The following NBAS variants were observed in gnomAD, a reference collection of about 807,000 sequenced individuals.
NBAS encodes NAG/BC035112 fusion.
Under a neutral mutation model 302.5 loss-of-function variants are expected in NBAS, and 219 were observed. The ratio of observed to expected loss-of-function variants is 0.72; its 90% CI spans 0.65 to 0.81. The LOEUF (loss-of-function observed/expected upper bound fraction) is 0.81, where lower values mean the gene tolerates loss of function less well. Ranked by LOEUF, NBAS falls within the 30% of genes least tolerant of loss-of-function variation. The pLI, the probability that NBAS is intolerant of heterozygous loss-of-function variation, is 0.00. For synonymous variants in NBAS, 1,118 were observed against 1,021.6 expected, an observed-to-expected ratio of 1.09 and a Z score of -1.80; for missense variants, 2,932 against 2,841.6, an observed-to-expected ratio of 1.03 and a Z score of -0.72.
the NBAS span, among the ~76,000 whole-genome samples, chr2:14,782,986 C>A: frequency 6.6e-6 from 1 of 151,732 alleles, no homozygotes; most frequent in Non-Finnish European, 1.5e-5. Context: ...GGGAGAAGAT[C>A]AGAAAAAATT....
chr2:15,383,598 G>C (rs1376852462), intron 28 of NBAS, among the ~76,000 whole-genome samples: 1 of 152,188 alleles, frequency 6.6e-6, no homozygotes, highest in Non-Finnish European at 1.5e-5. Context: ...GAATTGAATG[G>C]TAATTACAGT....
At chr2:14,807,872 G>A in the NBAS span, among the ~76,000 whole-genome samples, 1 of 152,064 alleles carries the variant, frequency 6.6e-6, no homozygotes, top group Non-Finnish European at 1.5e-5. Context: ...GCACACAGTA[G>A]ATGTTGCAAA....
chr2:15,475,900 T>C lies in NBAS; in HGVS notation c.1148-20A>G. On this transcript the variant is annotated intron_variant, in intron 13 of 51. Coordinates refer to ENST00000281513, the MANE Select transcript of NBAS (RefSeq NM_015909.4). Reference sequence around the variant, plus strand: ...CTTTATCTAAGAAGCGAAAAACAAATCAATACAAATGCATCTGCTAATGTG... The same window carrying C: ...CTTTATCTAAGAAGCGAAAAACAAACCAATACAAATGCATCTGCTAATGTG... 5 of 1,575,694 alleles carry C rather than the reference T, an allele frequency of 3.2e-6. No individual in the cohort carries two copies. Among genetic ancestry groups the C allele is most frequent in the Non-Finnish European group, 4.4e-6 (5 of 1,146,416 alleles).
the NBAS span, among the ~76,000 whole-genome samples, chr2:14,779,676 C>A: frequency 6.6e-6 from 1 of 152,150 alleles, no homozygotes; most frequent in Non-Finnish European, 1.5e-5. Flanking sequence ...CCCTGCCACC[C>A]TTCTCAGCTT....
the NBAS span, among the ~76,000 whole-genome samples, chr2:14,804,997 T>C: frequency 2.0e-5 from 3 of 152,200 alleles, no homozygotes; most frequent in African/African-American, 7.2e-5. Context: ...GAAACACAAA[T>C]CCCTTCATAG....
At chr2:14,820,924 T>C in the NBAS span, among the ~76,000 whole-genome samples, 2 of 145,912 alleles carry the variant, frequency 1.4e-5, no homozygotes, top group Non-Finnish European at 3.1e-5. Context: ...CTTTTTTTTT[T>C]CTTTTCTTTT....
the NBAS span, among the ~76,000 whole-genome samples, chr2:14,986,602 A>G: frequency 3.3e-5 from 5 of 152,110 alleles, no homozygotes; most frequent in African/African-American, 1.2e-4. Flanking sequence ...ACCAATTTTC[A>G]TGCACACTTA....
In NBAS at chr2:15,219,116, T is replaced by C. The variant is rs1289729007; in HGVS notation, c.6237-148A>G. 3 of 774,664 alleles carry C rather than the reference T, an allele frequency of 3.9e-6. No individual in the cohort carries two copies. The African/African-American group carries it at 5.2e-5, about 14-fold the overall frequency. 48.0% of individuals were successfully genotyped at this position (774,664 alleles called of 1,614,324 possible). A position where few individuals can be genotyped will look rare whatever the true frequency, so the allele number is the denominator to read the frequency against. The stretch of plus-strand genomic sequence containing the variant: ...GAAAGGAAAAATTTTGGTTTTTAAA[T>C]GGCTTACAGCGAACTGTATTAGGTA... On this transcript the variant is annotated intron_variant, in intron 47 of 51. Coordinates refer to ENST00000281513, the MANE Select transcript of NBAS (RefSeq NM_015909.4).
At chr2:15,145,063 C>T in the NBAS span, among the ~76,000 whole-genome samples, 3 of 152,208 alleles carry the variant, frequency 2.0e-5, no homozygotes, top group African/African-American at 7.2e-5. Flanking sequence ...AAGACGGCCA[C>T]ACCCTCAATC....
chr2:15,250,382 CCATTCAGGA>C (rs1415924009), intron 44 of NBAS, among the ~76,000 whole-genome samples: 1 of 152,178 alleles, frequency 6.6e-6, no homozygotes, highest in Non-Finnish European at 1.5e-5. Context: ...CTAGGCAATA[CCATTCAGGA>C]CATAGGCATG....
At chr2:15,312,031 G>C (rs1477701920) in intron 38 of NBAS, among the ~76,000 whole-genome samples, 2 of 152,086 alleles carry the variant, frequency 1.3e-5, no homozygotes. Flanking sequence ...CCAAACCCAA[G>C]GTCTTTTCTC....
chr2:15,096,624 TCTC>T, the NBAS span, among the ~76,000 whole-genome samples: 5 of 152,068 alleles, frequency 3.3e-5, no homozygotes, highest in Non-Finnish European at 5.9e-5. Flanking sequence ...CAAAGGCTGT[TCTC>T]CTGCCACCCA....
chr2:15,034,422 A>C, the NBAS span, among the ~76,000 whole-genome samples: 1 of 152,116 alleles, frequency 6.6e-6, no homozygotes, highest in Non-Finnish European at 1.5e-5. Context: ...CCTCACCAGA[A>C]TCAAAACATG....
chr2:15,532,736 T>A (rs183053292), intron 9 of NBAS, among the ~76,000 whole-genome samples: 106 of 152,096 alleles, frequency 7.0e-4, no homozygotes, highest in African/African-American at 2.4e-3. Flanking sequence ...GTGGTTACCT[T>A]TGGAAAGCAA....
intron 51 of NBAS, chr2:15,178,274 TCAAA>T (rs370074169): frequency 6.0e-5 from 24 of 402,552 alleles, no homozygotes; most frequent in African/African-American, 2.9e-4. Context: ...GTGTACATAC[TCAAA>T]CAGACATACA....
At chr2:15,189,233 ATTTCT>A (rs775613347) in intron 49 of NBAS, among the ~76,000 whole-genome samples, 17 of 152,164 alleles carry the variant, frequency 1.1e-4, no homozygotes, top group Non-Finnish European at 2.1e-4. Context: ...TCTAAGAAAC[ATTTCT>A]TTTCTTTCTG....
chr2:15,219,366 T>A (rs1182770417), intron 47 of NBAS, among the ~76,000 whole-genome samples: 1 of 147,116 alleles, frequency 6.8e-6, no homozygotes, highest in Non-Finnish European at 1.5e-5. Flanking sequence ...TGGGTGTTTC[T>A]CGCAGAGGGG....
rs1441203642 is a variant in NBAS at position 15,475,811 on chromosome 2, C to A, written c.1217G>T (p.Cys406Phe). 8 of 1,614,084 alleles carry A rather than the reference C, an allele frequency of 5.0e-6. No individual in the cohort carries two copies. Among genetic ancestry groups the A allele is most frequent in the Middle Eastern group, 1.7e-4 (1 of 6,060 alleles). The change falls in exon 14 of 52, where the codon TGC becomes TTC. Residue 406 changes from cysteine (C) to phenylalanine (F), a missense_variant. Physicochemically the swap from Cys to Phe is radical, Grantham distance 205 (BLOSUM62 -2). Transcript: ENST00000281513. ...WADSAVTLARCSGALTVSSVK... is the reference protein window; with the variant it reads ...WADSAVTLARFSGALTVSSVK... ...AGATGAAACAGTTAAAGCACCAGAG[C>A]ATCGAGCTAAAGTCACTGCACTGTC... is the stretch of plus-strand genomic sequence containing the variant.
chr2:15,004,657 C>A, the NBAS span, among the ~76,000 whole-genome samples: 1 of 150,372 alleles, frequency 6.7e-6, no homozygotes, highest in African/African-American at 2.5e-5. Context: ...CAGACCACCA[C>A]TCCCAGCTGA....
Sources: gnomAD v4.1 joint callset for allele counts (sites outside exome capture counted in the v4.1 genomes callset) on GRCh38, gnomAD v4.1.1 for gene constraint, MANE v1.5 for transcripts, NCBI Gene and HGNC (gene_info 2026-07-23, HGNC 2026-07-21) for gene names.